Variants in METTL21A observed in about 807,000 individuals in gnomAD.
The protein encoded by METTL21A is protein N-lysine methyltransferase METTL21A.
Under a neutral mutation model 20.9 loss-of-function variants are expected in METTL21A, and 22 were observed. That is an observed-to-expected ratio of 1.05 (90% CI 0.75 to 1.50). The LOEUF is 1.50. Ranked by LOEUF, METTL21A falls within the 40% of genes most tolerant of loss-of-function variation. The pLI, the probability that METTL21A is intolerant of heterozygous loss-of-function variation, is 0.00. For synonymous variants in METTL21A, 93 were observed against 102.0 expected, an observed-to-expected ratio of 0.91 and a Z score of 0.53; for missense variants, 271 against 266.8, an observed-to-expected ratio of 1.02 and a Z score of -0.11.
chr2:207,618,746 C>G (rs1253566950), intron 3 of METTL21A, among the ~76,000 whole-genome samples: 1 of 151,730 alleles, frequency 6.6e-6, no homozygotes. Flanking sequence ...TGAATGTGGT[C>G]TCTCTCTCTC....
intron 2 of METTL21A, among the ~76,000 whole-genome samples, chr2:207,622,617 T>C (rs1382523783): frequency 6.6e-6 from 1 of 152,182 alleles, no homozygotes; most frequent in Non-Finnish European, 1.5e-5. Flanking sequence ...ACTTCACCCA[T>C]AGGGAAAAAG....
intron 3 of METTL21A, among the ~76,000 whole-genome samples, chr2:207,614,401 G>A (rs2089413660): frequency 6.6e-6 from 1 of 151,908 alleles, no homozygotes; most frequent in Admixed American, 6.6e-5. Flanking sequence ...AAAATATCTG[G>A]GAGCAGACTA....
chr2:207,594,295 C>G (rs890537180), intron 3 of METTL21A, among the ~76,000 whole-genome samples: 1 of 151,952 alleles, frequency 6.6e-6, no homozygotes, highest in African/African-American at 2.4e-5. Context: ...ATGTTAAGTA[C>G]ATTCATATTG....
chr2:207,613,548 A>T, intron 3 of METTL21A, 105 bp from the exon 4 acceptor site: 3 of 1,017,150 alleles, frequency 2.9e-6, no homozygotes, highest in Non-Finnish European at 4.2e-6. Flanking sequence ...ATTGCATCTG[A>T]TATGCATAAT....
rs552724063 is a variant in METTL21A at position 207,624,252 on chromosome 2, C to T, written c.124G>A (p.Val42Ile). 3.7e-6 allele frequency: 6 copies of T among 1,609,896 alleles called. No homozygotes were observed. The East Asian group carries it at 9.0e-5, about 24-fold the overall frequency. Reference sequence around the variant, plus strand: ...ACCGCATCCCAAACCACCGCTGCGACTCCCAGGTGTCTCCAGTCCTGCCGG... The same window carrying T: ...ACCGCATCCCAAACCACCGCTGCGATTCCCAGGTGTCTCCAGTCCTGCCGG... Residue 42 changes from valine to isoleucine, a missense_variant, in exon 2 of 4, where the codon GTC becomes ATC. By Grantham distance (29) the Val-to-Ile change is conservative. Coordinates refer to ENST00000406927, the Ensembl canonical transcript of METTL21A.
At chr2:207,603,647 T>C (rs543492089) in intron 3 of METTL21A, among the ~76,000 whole-genome samples, 1 of 152,274 alleles carries the variant, frequency 6.6e-6, no homozygotes, top group South Asian at 2.1e-4. Flanking sequence ...ACAGTGCCTA[T>C]TTGTGGATTT....
intron 3 of METTL21A, among the ~76,000 whole-genome samples, chr2:207,587,934 G>C (rs746573387): frequency 6.6e-6 from 1 of 152,164 alleles, no homozygotes; most frequent in Admixed American, 6.5e-5. Context: ...CACAAAGCTA[G>C]AAGTGAGGAT....
chr2:207,621,484 T>C (rs2107282780), intron 3 of METTL21A, among the ~76,000 whole-genome samples: 1 of 152,306 alleles, frequency 6.6e-6, no homozygotes, highest in Non-Finnish European at 1.5e-5. Flanking sequence ...ATGGGTAAGA[T>C]TATTCTCCTT....
At chr2:207,580,752 T>C (rs775832856), downstream of METTL21A, 1 of 224,860 alleles carries the variant, frequency 4.4e-6, no homozygotes, top group Non-Finnish European at 8.9e-6. Context: ...CGAATCTCAG[T>C]GTCTTAAAAT....
chr2:207,613,057 CCTT>C (rs746564449), exon 4 of METTL21A: 64 of 1,558,358 alleles, frequency 4.1e-5, no homozygotes, highest in South Asian at 1.4e-4. Flanking sequence ...TATAAGTCCT[CCTT>C]CTGGTTTCTC....
intron 3 of METTL21A, among the ~76,000 whole-genome samples, chr2:207,603,922 CTGCATTATTTGTATGT>C (rs1421070715): frequency 6.6e-6 from 1 of 152,160 alleles, no homozygotes; most frequent in Admixed American, 6.5e-5. Context: ...AAATAAGCAG[CTGCATTATTTGTATGT>C]TTCTTCACTG....
chr2:207,625,824 ACT>A (rs2091036160), upstream of METTL21A: 1 of 152,268 alleles, frequency 6.6e-6, no homozygotes, highest in African/African-American at 2.4e-5. Flanking sequence ...AGGCATGGTC[ACT>A]CTAGTCCCCG....
chr2:207,584,950 T>G (rs2083556053), intron 3 of METTL21A, among the ~76,000 whole-genome samples: 1 of 152,162 alleles, frequency 6.6e-6, no homozygotes, highest in Admixed American at 6.5e-5. Flanking sequence ...TGTGTCCTTT[T>G]GTACATCATG....
At chr2:207,601,771 AAAGT>A (rs2087097422) in intron 3 of METTL21A, 1 of 218,340 alleles carries the variant, frequency 4.6e-6, no homozygotes, top group South Asian at 1.9e-4. Flanking sequence ...GAGGAAGGAG[AAAGT>A]AAAGTGTGCA....
At chr2:207,585,617 G>A (rs566118720) in intron 3 of METTL21A, among the ~76,000 whole-genome samples, 1 of 152,238 alleles carries the variant, frequency 6.6e-6, no homozygotes, top group Non-Finnish European at 1.5e-5. Flanking sequence ...AAAAGGAATT[G>A]AAAATAATGA....
At chr2:207,601,638 GAAT>G (rs2087071365) in intron 3 of METTL21A, 1 of 210,704 alleles carries the variant, frequency 4.7e-6, no homozygotes, top group Non-Finnish European at 9.6e-6. Flanking sequence ...AATTTGTCTA[GAAT>G]AGTACAAGAC....
chr2:207,623,594 G>A (rs1398120902), intron 2 of METTL21A, among the ~76,000 whole-genome samples: 1 of 152,236 alleles, frequency 6.6e-6, no homozygotes, highest in Non-Finnish European at 1.5e-5. Flanking sequence ...GCTCACGCCT[G>A]TAATCCCAGC....
At chr2:207,590,363 A>C (rs2084793892) in intron 3 of METTL21A, among the ~76,000 whole-genome samples, 1 of 150,868 alleles carries the variant, frequency 6.6e-6, no homozygotes. Context: ...CTTTTTTTTT[A>C]AGTCTGGCTA....
intron 3 of METTL21A, among the ~76,000 whole-genome samples, chr2:207,619,209 C>G (rs997638054): frequency 6.8e-6 from 1 of 145,990 alleles, no homozygotes; most frequent in African/African-American, 2.5e-5. Flanking sequence ...TTCTTTACCT[C>G]TACCCACTAA....
Sources: gnomAD v4.1 joint callset for allele counts (sites outside exome capture counted in the v4.1 genomes callset) on GRCh38, gnomAD v4.1.1 for gene constraint, MANE v1.5 for transcripts, NCBI Gene and HGNC (gene_info 2026-07-23, HGNC 2026-07-21) for gene names.